The following VCPIP1 variants were observed in gnomAD, a reference collection of about 807,000 sequenced individuals.
VCPIP1 encodes the protein deubiquitinating protein VCPIP1.
VCPIP1 carries 8 observed loss-of-function variants against 85.0 expected under a neutral mutation model. The observed-to-expected ratio is 0.09, with a 90% CI of 0.06 to 0.17. The LOEUF is 0.17. Ranked by LOEUF, VCPIP1 falls within the 10% of genes least tolerant of loss-of-function variation. The pLI is 1.00. For missense variants in VCPIP1, 1,070 were observed against 1,486.3 expected, an observed-to-expected ratio of 0.72 and a Z score of 4.61; for synonymous variants, 543 against 544.5, an observed-to-expected ratio of 1.00 and a Z score of 0.04.
In VCPIP1 at chr8:66,666,894, T is replaced by C; in HGVS notation, c.65A>G (p.Gln22Arg). 1 of 1,611,730 alleles carries C rather than the reference T, an allele frequency of 6.2e-7. No individual in the cohort carries two copies. Among genetic ancestry groups the C allele is most frequent in the Non-Finnish European group, 8.5e-7 (1 of 1,179,448 alleles). The stretch of plus-strand genomic sequence containing the variant: ...CGCCGACGCCAAGGACGACGGAGTC[T>C]GTGGAGCCTCAGGGGGAGGAGGTGG... ...PPPPPPPEAP[Q>R]TPSSLASAAA... is the part of the protein sequence containing the mutation. Residue 22 changes from glutamine to arginine, a missense_variant, in exon 1 of 3, where the codon CAG becomes CGG. By Grantham distance (43) the Gln-to-Arg change is conservative. Transcript: ENST00000310421. The surrounding 1 kb of genome is among the most constrained non-coding windows in gnomAD (Gnocchi z 6.3).
At position 66,635,186 on chromosome 8, in the gene VCPIP1, C is replaced by G; in HGVS notation, c.2984G>C (p.Arg995Thr). ...QVRAEATTRS[R>T]ESSPSHGLLK... is the part of the protein sequence containing the mutation. The stretch of plus-strand genomic sequence containing the variant: ...TAGCCCATGTGAGGGACTTGATTCC[C>G]TACTTCTTGTAGTAGCCTCTGCTCG... The change falls in exon 3 of 3, where the codon AGG becomes ACG. Residue 995 changes from arginine to threonine, a missense_variant. Physicochemically the swap from Arg to Thr is moderately conservative, Grantham distance 71 (BLOSUM62 -1). This residue lies in a region of VCPIP1 where 255 missense variants were observed against 289.5 expected (regional missense o/e 0.88). Transcript: ENST00000310421. 6.2e-7 allele frequency: 1 copy of G among 1,614,146 alleles called. No homozygotes were observed. The highest frequency in any genetic ancestry group is 8.5e-7 in the Non-Finnish European group (1 of 1,180,028).
Position 66,664,272 on chromosome 8 carries a change from AAGG to A in VCPIP1, c.2684_2686del (p.Ser895del). On this transcript the variant is annotated inframe_deletion, in exon 1 of 3. Coordinates refer to ENST00000310421, the MANE Select transcript of VCPIP1 (RefSeq NM_025054.5). ...ACCCATTAATGTTGCTAAAAGACAC[AAGG>A]AGTACATTTCTTTTTCAGCTTGCTC... 6.3e-7 allele frequency: 1 copy of A among 1,587,810 alleles called. No individual in the cohort carries two copies.
intron 2 of VCPIP1, among the ~76,000 whole-genome samples, chr8:66,638,257 G>A (rs1454352528): frequency 1.3e-5 from 2 of 151,218 alleles, no homozygotes; most frequent in African/African-American, 4.9e-5. Context: ...AGGGGAGGCA[G>A]AGGCAAATTG....
chr8:66,662,685 T>C (rs780204405), intron 1 of VCPIP1, among the ~76,000 whole-genome samples: 7 of 151,844 alleles, frequency 4.6e-5, no homozygotes, highest in Admixed American at 2.0e-4. Flanking sequence ...CTTATTCATT[T>C]ATTTATTTAT....
At chr8:66,641,473 C>T (rs1810947464) in intron 2 of VCPIP1, among the ~76,000 whole-genome samples, 1 of 152,124 alleles carries the variant, frequency 6.6e-6, no homozygotes, top group Non-Finnish European at 1.5e-5. Flanking sequence ...CAGATCCTTC[C>T]ACCTCAGCCT....
rs573924407 is a variant in VCPIP1, at chr8:66,667,153, G to A, written c.-195C>T. The A allele has an allele frequency of 4.0e-6, 5 of 1,264,378 alleles. 1 individual carries two copies. In the South Asian group the frequency reaches 9.6e-5, roughly 24 times the overall value. 78.3% of individuals were successfully genotyped at this position (1,264,378 alleles called of 1,614,324 possible). The stretch of plus-strand genomic sequence containing the variant: ...CTCTTCTTACTTCTCCACTGCCGTA[G>A]CCGTTGCCCCGAACGTAACGGCCAC... On this transcript the variant is annotated 5_prime_UTR_variant, in exon 1 of 3. Coordinates refer to ENST00000310421, the MANE Select transcript of VCPIP1 (RefSeq NM_025054.5).
chr8:66,663,559 T>C (rs1222666992), intron 1 of VCPIP1, among the ~76,000 whole-genome samples: 1 of 152,252 alleles, frequency 6.6e-6, no homozygotes, highest in Non-Finnish European at 1.5e-5. Context: ...TTGGTTAATA[T>C]ATTTTTCTTT....
intron 1 of VCPIP1, among the ~76,000 whole-genome samples, chr8:66,663,103 CA>C (rs34843305): frequency 0.52 from 65,353 of 126,776 alleles, 17,969 homozygotes; most frequent in African/African-American, 0.8. Flanking sequence ...GACTCCATCT[CA>C]AAAAAAAAAG....
chr8:66,662,022 C>T (rs1282791311), intron 1 of VCPIP1, among the ~76,000 whole-genome samples: 1 of 151,964 alleles, frequency 6.6e-6, no homozygotes, highest in African/African-American at 2.4e-5. Flanking sequence ...CCGCCTCAGC[C>T]TCCCAAAGTG....
At chr8:66,653,161 T>C (rs1311725572) in intron 1 of VCPIP1, among the ~76,000 whole-genome samples, 3 of 152,170 alleles carry the variant, frequency 2.0e-5, no homozygotes, top group Non-Finnish European at 4.4e-5. Context: ...CTTATAAACA[T>C]TTACTAATGA....
chr8:66,637,563 G>GT (rs201198874), intron 2 of VCPIP1, among the ~76,000 whole-genome samples: 1,602 of 151,128 alleles, frequency 0.011, 10 homozygotes, highest in Non-Finnish European at 0.016. Context: ...TTGTTTAGGG[G>GT]TTTTTTTTGG....
chr8:66,660,278 T>C (rs1197670751), intron 1 of VCPIP1, among the ~76,000 whole-genome samples: 5 of 152,240 alleles, frequency 3.3e-5, no homozygotes, highest in Non-Finnish European at 7.3e-5. Context: ...AAGGTATTGA[T>C]TAGTGAAGAA....
chr8:66,638,966 C>CTATATA (rs1352372228), intron 2 of VCPIP1, among the ~76,000 whole-genome samples: 40 of 131,010 alleles, frequency 3.1e-4, no homozygotes, highest in African/African-American at 1.2e-3. Context: ...CTCTCTCTCT[C>CTATATA]TCTCTATATA....
At position 66,637,530 on chromosome 8, in the gene VCPIP1, T is replaced by C. The variant is rs187818840; in HGVS notation, c.2798-2158A>G. Among the ~76,000 whole-genome samples, 3 of 146,470 alleles carry C rather than the reference T, an allele frequency of 2.0e-5. No individual in the cohort carries two copies. In the East Asian group the frequency reaches 6.1e-4, roughly 30 times the overall value. Reference sequence around the variant, plus strand: ...TATACTTTAAATACAACACAAATACTGTTGTGATACTTCTAAGCATAATTG... The same window carrying C: ...TATACTTTAAATACAACACAAATACCGTTGTGATACTTCTAAGCATAATTG... On this transcript the variant is annotated intron_variant, in intron 2 of 2. Transcript: ENST00000310421.
At chr8:66,638,337 A>C (rs562348432) in intron 2 of VCPIP1, among the ~76,000 whole-genome samples, 33 of 152,240 alleles carry the variant, frequency 2.2e-4, no homozygotes, top group African/African-American at 7.9e-4. Context: ...AATTTAAAAA[A>C]TTAGCTGGGT....
intron 1 of VCPIP1, among the ~76,000 whole-genome samples, chr8:66,658,409 GA>G (rs75062642): frequency 2.4e-4 from 33 of 136,512 alleles, no homozygotes; most frequent in South Asian, 4.6e-4. Flanking sequence ...CCCAACATTT[GA>G]AAAAAAAAAA....
Position 66,666,713 on chromosome 8 carries a change from C to A in VCPIP1, c.246G>T (p.Leu82=). The change falls in exon 1 of 3, where the codon CTG becomes CTT. Residue 82 remains leucine (L), a synonymous_variant. Transcript: ENST00000310421. This position sits in a 1 kb window ranked among gnomAD's most constrained non-coding sequence, Gnocchi z 6.3. ...ECGQRHEQQQ[L]LGVEEVTDPD... ...GGTCGGTCACCTCCTCAACCCCCAGCAGCTGTTGCTGCTCGTGCCGCTGGC... is the reference window on the plus strand; with the variant it reads ...GGTCGGTCACCTCCTCAACCCCCAGAAGCTGTTGCTGCTCGTGCCGCTGGC... The A allele has an allele frequency of 6.2e-7, 1 of 1,614,200 alleles. No homozygotes were observed. Among genetic ancestry groups the A allele is most frequent in the Non-Finnish European group, 8.5e-7 (1 of 1,180,026 alleles).
In VCPIP1 at chr8:66,635,023, T is replaced by C; in HGVS notation, c.3147A>G (p.Ser1049=). 1 of 1,613,614 alleles carries C rather than the reference T, an allele frequency of 6.2e-7. No homozygotes were observed. The highest frequency in any genetic ancestry group is 8.5e-7 in the Non-Finnish European group (1 of 1,179,638). The part of the protein sequence containing the change: ...PHLDPRARET[S]VVRKHNTGTD... ...TCCCTGTATTATGCTTTCTTACAACTGAAGTTTCCCTAGCTCTTGGATCAA... is the reference window on the plus strand; with the variant it reads ...TCCCTGTATTATGCTTTCTTACAACCGAAGTTTCCCTAGCTCTTGGATCAA... The change falls in exon 3 of 3, where the codon TCA becomes TCG. Residue 1049 remains serine (S), a synonymous_variant. Coordinates refer to ENST00000310421, the MANE Select transcript of VCPIP1 (RefSeq NM_025054.5).
intron 2 of VCPIP1, among the ~76,000 whole-genome samples, chr8:66,649,420 G>A (rs1327493022): frequency 6.6e-6 from 1 of 152,034 alleles, no homozygotes; most frequent in Non-Finnish European, 1.5e-5. Flanking sequence ...GCTGAGCTGG[G>A]AGGATCACCT....
Sources: allele counts gnomAD v4.1 joint callset (sites outside exome capture counted in the v4.1 genomes callset), GRCh38; gene constraint gnomAD v4.1.1; regional missense constraint gnomAD v4.1.1; non-coding constraint Gnocchi (gnomAD v3.1); transcripts MANE v1.5; gene names NCBI Gene and HGNC (gene_info 2026-07-23, HGNC 2026-07-21).